The following SMG6 variants were observed in gnomAD, a reference collection of about 807,000 sequenced individuals.
The protein encoded by SMG6 is SMG6 nonsense mediated mRNA decay factor, also known as telomerase-binding protein EST1A.
Under a neutral mutation model 142.2 loss-of-function variants are expected in SMG6, and 66 were observed. That is an observed-to-expected ratio of 0.46 (90% CI 0.38 to 0.57). The LOEUF is 0.57. SMG6 is among the 20% of genes least tolerant of loss of function. The pLI, the probability that SMG6 is intolerant of heterozygous loss-of-function variation, is 0.00. For missense variants in SMG6, 1,793 were observed against 1,832.0 expected (o/e 0.98, Z 0.39); for synonymous variants, 779 against 702.4 (o/e 1.11, Z -1.72).
chr17:2,271,902 G>GCCCTTCAACT (rs1207072029), intron 8 of SMG6, among the ~76,000 whole-genome samples: 1 of 152,136 alleles, frequency 6.6e-6, no homozygotes, highest in Non-Finnish European at 1.5e-5. Flanking sequence ...AACTTTTTAA[G>GCCCTTCAACT]TCAGCAAACT....
intron 13 of SMG6, among the ~76,000 whole-genome samples, chr17:2,162,876 G>C (rs932153846): frequency 6.6e-6 from 1 of 152,142 alleles, no homozygotes; most frequent in South Asian, 2.1e-4. Context: ...CTGTGGCCCA[G>C]GCTGGAGTGC....
chr17:2,199,411 T>A (rs1199073576), intron 10 of SMG6, among the ~76,000 whole-genome samples: 3 of 151,876 alleles, frequency 2.0e-5, no homozygotes, highest in African/African-American at 7.3e-5. Flanking sequence ...GGTGGGAGCA[T>A]CACTTGAGCC....
At chr17:2,275,571 A>G (rs1428897504) in intron 8 of SMG6, among the ~76,000 whole-genome samples, 1 of 152,220 alleles carries the variant, frequency 6.6e-6, no homozygotes, top group African/African-American at 2.4e-5. Context: ...AATCCTCAGC[A>G]GTTCTATCAG....
At chr17:2,088,191 T>C (rs2068617537) in intron 13 of SMG6, 1 of 984,668 alleles carries the variant, frequency 1.0e-6, no homozygotes, top group Non-Finnish European at 1.2e-6. Context: ...CGGGCAGGAG[T>C]GTTGCTGCTG....
intron 16 of SMG6, among the ~76,000 whole-genome samples, chr17:2,067,548 A>C (rs1250433862): frequency 3.3e-5 from 5 of 152,186 alleles, no homozygotes; most frequent in Non-Finnish European, 5.9e-5. Flanking sequence ...GCCTGGGACA[A>C]CGTGATGGTT....
chr17:2,303,506 C>A (rs539302681), intron 1 of SMG6, 127 bp downstream of exon 1: 3 of 1,330,186 alleles, frequency 2.3e-6, no homozygotes, highest in Non-Finnish European at 2.9e-6. Flanking sequence ...GCCGCGGCCC[C>A]AGCGCCTACT....
chr17:2,176,238 T>G (rs2071649746), intron 12 of SMG6, among the ~76,000 whole-genome samples: 1 of 152,162 alleles, frequency 6.6e-6, no homozygotes, highest in Non-Finnish European at 1.5e-5. Context: ...TTTTCCTGCT[T>G]TAATTCCTCA....
chr17:2,080,962 C>G (rs2068406372), intron 15 of SMG6, among the ~76,000 whole-genome samples: 1 of 152,210 alleles, frequency 6.6e-6, no homozygotes, highest in African/African-American at 2.4e-5. Context: ...GATGAGGAAA[C>G]AGGCTCTGAG....
chr17:2,200,778 T>C (rs748106047), intron 10 of SMG6, among the ~76,000 whole-genome samples: 5 of 152,156 alleles, frequency 3.3e-5, no homozygotes, highest in Non-Finnish European at 7.4e-5. Context: ...GGCGCAATCA[T>C]AGCTCACTGT....
chr17:2,122,248 T>A (rs1597422077), intron 13 of SMG6: 1 of 152,164 alleles, frequency 6.6e-6, no homozygotes, highest in Non-Finnish European at 1.5e-5. Context: ...ATGTAGGTAC[T>A]GGGTATAAGT....
At position 2,061,468 on chromosome 17, in the gene SMG6, G is replaced by GGT. The variant is rs1555528767; in HGVS notation, c.*23_*24insAC. ...TGGCCTTTCAGGAACGGTTCCACGG[G>GGT]GGGGGGGCCCCAGTGTGGCTCCCTC... On this transcript the variant is annotated 3_prime_UTR_variant, in exon 19 of 19. Transcript: ENST00000263073. The GGT allele has an allele frequency of 2.6e-6, 4 of 1,565,298 alleles. No individual in the cohort carries two copies. The highest frequency in any genetic ancestry group is 2.3e-5 in the East Asian group (1 of 42,684).
chr17:2,061,764 G>A (rs895016597), intron 18 of SMG6, 142 bp from the exon 19 acceptor site: 7 of 985,208 alleles, frequency 7.1e-6, no homozygotes, highest in Admixed American at 6.8e-5. Context: ...CCTTTCCTCC[G>A]TCCGGGCTCT....
At chr17:2,124,663 G>A (rs2069813599) in intron 13 of SMG6, among the ~76,000 whole-genome samples, 2 of 152,126 alleles carry the variant, frequency 1.3e-5, no homozygotes, top group African/African-American at 4.8e-5. Context: ...TCTCCCCGGG[G>A]AGTCATTAGA....
chr17:2,168,990 C>T (rs1191025348), intron 13 of SMG6, among the ~76,000 whole-genome samples: 2 of 151,838 alleles, frequency 1.3e-5, no homozygotes, highest in Non-Finnish European at 1.5e-5. Flanking sequence ...TCGTGATCCG[C>T]CTGCCTCGGC....
chr17:2,124,204 T>G (rs565039839), intron 13 of SMG6, among the ~76,000 whole-genome samples: 1 of 152,286 alleles, frequency 6.6e-6, no homozygotes, highest in South Asian at 2.1e-4. Context: ...ATTTTGGTAG[T>G]GCGGTGACAG....
intron 13 of SMG6, among the ~76,000 whole-genome samples, chr17:2,162,339 C>G (rs1337306898): frequency 6.6e-6 from 1 of 151,500 alleles, no homozygotes; most frequent in Non-Finnish European, 1.5e-5. Flanking sequence ...GGTGAAACCC[C>G]GTCTCTACTA....
chr17:2,300,513 A>G lies in SMG6; in HGVS notation c.240T>C (p.Asn80=), dbSNP rs778001694. 2.3e-5 allele frequency: 37 copies of G among 1,614,144 alleles called. No homozygotes were observed. The highest frequency in any genetic ancestry group is 2.2e-4 in the Admixed American group (13 of 60,016). The change falls in exon 2 of 19, where the codon AAT becomes AAC. Residue 80 remains asparagine, a synonymous_variant. Transcript: ENST00000263073. The part of the protein sequence containing the change: ...GSEEFKDEIV[N]DRDCSAVENG... ...TTTCAACAGCAGAGCAATCTCGGTCATTAACAATTTCATCTTTGAATTCCT... is the reference window on the plus strand; with the variant it reads ...TTTCAACAGCAGAGCAATCTCGGTCGTTAACAATTTCATCTTTGAATTCCT...
At chr17:2,088,692 G>A (rs2232480) in intron 13 of SMG6, 13,974 of 985,422 alleles carry the variant, frequency 0.014, 117 homozygotes, top group Non-Finnish European at 0.016. Flanking sequence ...TGTGTAAAGT[G>A]TACTGTGGGA....
intron 13 of SMG6, among the ~76,000 whole-genome samples, chr17:2,126,021 G>T (rs759106029): frequency 9.0e-4 from 134 of 148,092 alleles, no homozygotes; most frequent in Non-Finnish European, 1.6e-3. Context: ...TCGTGAAAAA[G>T]AACAAAAGTT....
Sources: gnomAD v4.1 joint callset for allele counts (sites outside exome capture counted in the v4.1 genomes callset) on GRCh38, gnomAD v4.1.1 for gene constraint, MANE v1.5 for transcripts, NCBI Gene and HGNC (gene_info 2026-07-23, HGNC 2026-07-21) for gene names.